Variants in PLCG2 observed in about 807,000 individuals in gnomAD.
PLCG2 encodes 1-phosphatidylinositol 4,5-bisphosphate phosphodiesterase gamma-2.
In PLCG2, 69 loss-of-function variants were observed where a neutral mutation model predicts 175.6. The observed-to-expected ratio is 0.39, with a 90% confidence interval of 0.32 to 0.48. PLCG2 has a LOEUF of 0.48. PLCG2 is among the 20% of genes least tolerant of loss of function. PLCG2 has a pLI of 0.91. For synonymous variants in PLCG2, 827 were observed against 624.0 expected, an observed-to-expected ratio of 1.33 and a Z score of -4.85; for missense variants, 1,798 against 1,650.9, an observed-to-expected ratio of 1.09 and a Z score of -1.54.
At chr16:81,787,425 C>G (rs1597318320) in intron 2 of PLCG2, among the ~76,000 whole-genome samples, 1 of 69,750 alleles carries the variant, frequency 1.4e-5, no homozygotes. Flanking sequence ...GAGATGGGAT[C>G]TCACTATGTC....
intron 2 of PLCG2, among the ~76,000 whole-genome samples, chr16:81,837,586 C>G (rs1183281371): frequency 6.6e-6 from 1 of 152,148 alleles, no homozygotes; most frequent in Non-Finnish European, 1.5e-5. Flanking sequence ...CAGGCAGTGC[C>G]TAGGGAGCCT....
intron 2 of PLCG2, among the ~76,000 whole-genome samples, chr16:81,794,352 A>G (rs951956543): frequency 6.6e-6 from 1 of 152,242 alleles, no homozygotes; most frequent in African/African-American, 2.4e-5. Context: ...ATTAATAATA[A>G]TAATAAATGA....
At chr16:81,889,475 A>G in intron 10 of PLCG2, 1 of 494,480 alleles carries the variant, frequency 2.0e-6, no homozygotes, top group Non-Finnish European at 3.7e-6. Context: ...GTAACTGCCC[A>G]GTGGGTTCAT....
intron 9 of PLCG2, among the ~76,000 whole-genome samples, chr16:81,888,696 C>T (rs568488027): frequency 6.6e-6 from 1 of 152,172 alleles, no homozygotes; most frequent in African/African-American, 2.4e-5. Flanking sequence ...GAGATGCCAA[C>T]CCAGGTAAGT....
At chr16:81,902,723 C>T (rs1909204241) in intron 14 of PLCG2, among the ~76,000 whole-genome samples, 1 of 152,108 alleles carries the variant, frequency 6.6e-6, no homozygotes. Flanking sequence ...TACCCATTCT[C>T]ACACTGCTCA....
At chr16:81,807,961 A>G (rs937321539) in intron 2 of PLCG2, among the ~76,000 whole-genome samples, 2 of 152,268 alleles carry the variant, frequency 1.3e-5, no homozygotes, top group African/African-American at 2.4e-5. Context: ...ATTCATCCCC[A>G]TGATCCAGTC....
intron 13 of PLCG2, among the ~76,000 whole-genome samples, chr16:81,899,002 A>G (rs1298610288): frequency 6.6e-6 from 1 of 152,154 alleles, no homozygotes; most frequent in Non-Finnish European, 1.5e-5. Flanking sequence ...AGCCTGGCCA[A>G]CATGGTGAAA....
chr16:81,802,653 C>T (rs1403923155), intron 2 of PLCG2, among the ~76,000 whole-genome samples: 1 of 151,318 alleles, frequency 6.6e-6, no homozygotes, highest in Non-Finnish European at 1.5e-5. Flanking sequence ...CTCACTACAA[C>T]CTCTGCCTCC....
chr16:81,816,717 G>C (rs1373312832), intron 2 of PLCG2, among the ~76,000 whole-genome samples: 1 of 127,374 alleles, frequency 7.9e-6, no homozygotes, highest in African/African-American at 3.1e-5. Context: ...GTCTAGGCTG[G>C]TCTTAAACTC....
chr16:81,844,069 C>T (rs185862048), intron 2 of PLCG2, among the ~76,000 whole-genome samples: 18 of 150,574 alleles, frequency 1.2e-4, no homozygotes, highest in Middle Eastern at 3.5e-3. Flanking sequence ...CTCTGCCTCC[C>T]GGGTTTATGC....
chr16:81,769,833 A>G (rs1334984051), intron 2 of PLCG2, among the ~76,000 whole-genome samples: 3 of 150,340 alleles, frequency 2.0e-5, no homozygotes, highest in African/African-American at 4.9e-5. Context: ...AAAAAAAAAA[A>G]AAAAAAAAAA....
chr16:81,860,166 A>ATTTT (rs1264129417), intron 5 of PLCG2, among the ~76,000 whole-genome samples: 28 of 99,666 alleles, frequency 2.8e-4, no homozygotes, highest in Admixed American at 1.9e-3. Context: ...TATTATTATT[A>ATTTT]TTATTATTTT....
intron 9 of PLCG2, among the ~76,000 whole-genome samples, chr16:81,888,414 A>T (rs1245768367): frequency 1.3e-5 from 2 of 152,094 alleles, no homozygotes; most frequent in African/African-American, 2.4e-5. Context: ...TTTAGTAGAG[A>T]TGGGGTTTCA....
chr16:81,778,753 A>G (rs920220191), upstream of PLCG2, among the ~76,000 whole-genome samples: 6 of 152,182 alleles, frequency 3.9e-5, no homozygotes, highest in African/African-American at 1.4e-4. Flanking sequence ...GAGGGCTTCA[A>G]ATTAGGGCCA....
At chr16:81,936,026 A>C in intron 26 of PLCG2, 143 bp from the exon 27 acceptor site, 1 of 1,454,204 alleles carries the variant, frequency 6.9e-7, no homozygotes, top group East Asian at 2.5e-5. Flanking sequence ...CAATTGGGAC[A>C]ATATCATCAG....
At chr16:81,901,395 A>T (rs187953681) in intron 14 of PLCG2, among the ~76,000 whole-genome samples, 227 of 152,312 alleles carry the variant, frequency 1.5e-3, no homozygotes, top group African/African-American at 5.3e-3. Context: ...TAAAGCACAG[A>T]AGAGTTTATT....
At chr16:81,907,420 T>G (rs1345137684) in intron 15 of PLCG2, among the ~76,000 whole-genome samples, 1 of 152,064 alleles carries the variant, frequency 6.6e-6, no homozygotes, top group African/African-American at 2.4e-5. Flanking sequence ...AAGAAAATGA[T>G]GAGGAGTTGT....
At chr16:81,743,923 A>T (rs1333784341) in intron 1 of PLCG2, among the ~76,000 whole-genome samples, 1 of 150,544 alleles carries the variant, frequency 6.6e-6, no homozygotes, top group Admixed American at 6.6e-5. Flanking sequence ...CAGTGGTACG[A>T]TCTTGGCTCA....
chr16:81,873,252 A>T (rs1193741180), intron 7 of PLCG2, among the ~76,000 whole-genome samples: 1 of 152,216 alleles, frequency 6.6e-6, no homozygotes, highest in African/African-American at 2.4e-5. Context: ...ATTAAATGAG[A>T]TCAATGGTTA....
Sources: allele counts gnomAD v4.1 joint callset (sites outside exome capture counted in the v4.1 genomes callset), GRCh38; gene constraint gnomAD v4.1.1; transcripts MANE v1.5; gene names NCBI Gene and HGNC (gene_info 2026-07-23, HGNC 2026-07-21).